BUD31: variants seen among roughly 807,000 people sequenced by gnomAD.
BUD31 encodes BUD31 spliceosome associated protein.
A neutral mutation model predicts 17.9 loss-of-function variants in BUD31; 9 were observed. The observed-to-expected ratio is 0.50, with a 90% CI of 0.30 to 0.88. The LOEUF (loss-of-function observed/expected upper bound fraction) is 0.88, where lower values mean the gene tolerates loss of function less well. Ranked by LOEUF, BUD31 falls within the 40% of genes least tolerant of loss-of-function variation. The probability of loss-of-function intolerance (pLI) is 0.06; values close to 1 mark genes in which losing one functional copy is unlikely to be tolerated. For synonymous variants in BUD31, 70 were observed against 64.7 expected (o/e 1.08, Z -0.39); for missense variants, 148 against 184.5 (o/e 0.80, Z 1.15).
At chr7:99,412,952 G>C (rs1795248359) in intron 3 of BUD31, among the ~76,000 whole-genome samples, 1 of 152,000 alleles carries the variant, frequency 6.6e-6, no homozygotes, top group Non-Finnish European at 1.5e-5. Context: ...AGAGATGGGG[G>C]TGTGTTAGTC....
Position 99,419,546 on chromosome 7 carries a change from CG to C in BUD31, c.*107del. ...AGTGCCCCAGGCCCGAGTTGGAGCA[CG>C]GTCTCTATGGGGAAGGCTTCGCTGT... On this transcript the variant is annotated 3_prime_UTR_variant, in exon 6 of 6. Transcript: ENST00000222969. The C allele has an allele frequency of 7.5e-7, 1 of 1,331,394 alleles. No individual in the cohort carries two copies. The highest frequency in any genetic ancestry group is 1.2e-5 in the South Asian group (1 of 84,740). The allele number at this position is 1,331,394 out of a possible 1,614,324, so 82.5% of individuals were successfully genotyped here.
intron 3 of BUD31, chr7:99,415,204 T>C: frequency 2.2e-6 from 1 of 454,060 alleles, no homozygotes. Flanking sequence ...CAGGCTGCAC[T>C]GATATTTATT....
intron 4 of BUD31, chr7:99,416,631 C>G (rs191184771): frequency 5.7e-4 from 98 of 171,116 alleles, no homozygotes; most frequent in African/African-American, 2.0e-3. Flanking sequence ...ATTGGTCAGG[C>G]TGATCTTGAA....
In BUD31 at chr7:99,416,316, A is replaced by G; in HGVS notation, c.217+56A>G. On this transcript the variant is annotated intron_variant, in intron 4 of 5. Coordinates refer to ENST00000222969, the MANE Select transcript of BUD31 (RefSeq NM_003910.4). ...GCTCGCGTCACTTTTGGAGTTACTG[A>G]ACTAACCACAATCCTTATTCTCGCA... 3.8e-6 allele frequency: 6 copies of G among 1,579,606 alleles called. No homozygotes were observed. In the Middle Eastern group the frequency reaches 8.5e-4, roughly 224 times the overall value.
At chr7:99,415,417 G>A (rs1437224885) in intron 3 of BUD31, among the ~76,000 whole-genome samples, 1 of 152,178 alleles carries the variant, frequency 6.6e-6, no homozygotes, top group Non-Finnish European at 1.5e-5. Context: ...CTAAAAGGCA[G>A]AGCCAGGTGT....
At chr7:99,411,426 AG>A (rs1237804556) in intron 3 of BUD31, among the ~76,000 whole-genome samples, 19 of 152,366 alleles carry the variant, frequency 1.2e-4, no homozygotes, top group African/African-American at 3.6e-4. Context: ...CGAATATAAA[AG>A]GTTATGAAAT....
At chr7:99,419,070 C>T (rs866873858) in intron 5 of BUD31, 13 of 362,124 alleles carry the variant, frequency 3.6e-5, no homozygotes, top group African/African-American at 1.5e-4. Flanking sequence ...GTCTGCTCAT[C>T]GCAGGGTCTG....
chr7:99,419,156 T>A, intron 5 of BUD31: 1 of 567,864 alleles, frequency 1.8e-6, no homozygotes. Context: ...TGTGTTGGAT[T>A]TGCAGAACAT....
Position 99,419,591 on chromosome 7 carries a change from A to G in BUD31, c.*150A>G. 2 of 929,324 alleles carry G rather than the reference A, an allele frequency of 2.2e-6. No homozygotes were observed. Among genetic ancestry groups the G allele is most frequent in the Non-Finnish European group, 3.2e-6 (2 of 617,504 alleles). The allele number at this position is 929,324 out of a possible 1,614,324, so 57.6% of individuals were successfully genotyped here. ...TCGCTGTCTATCAGCTGTGATTTGT[A>G]AAAATAAAATCTTTAAATCTCTCGA... On this transcript the variant is annotated 3_prime_UTR_variant, in exon 6 of 6. Coordinates refer to ENST00000222969, the MANE Select transcript of BUD31 (RefSeq NM_003910.4).
At chr7:99,413,391 C>T (rs1795264538) in intron 3 of BUD31, among the ~76,000 whole-genome samples, 1 of 152,154 alleles carries the variant, frequency 6.6e-6, no homozygotes, top group South Asian at 2.1e-4. Flanking sequence ...GGCTACTTCC[C>T]TCAGAACCTG....
At chr7:99,418,168 T>C (rs2003498) in intron 5 of BUD31, 37,280 of 215,704 alleles carry the variant, frequency 0.17, 7,714 homozygotes, top group African/African-American at 0.58. Context: ...GGTTTCTCAA[T>C]GTTGCTCAGG....
rs1482383811 is a variant in BUD31, at chr7:99,418,404, G to GC, written c.384+809_384+810insC. 1.3e-3 allele frequency: 206 copies of GC among 154,918 alleles called. 1 individual carries two copies. Among genetic ancestry groups the GC allele is most frequent in the African/African-American group, 4.8e-3 (198 of 41,596 alleles). The allele number at this position is 154,918 out of a possible 1,614,324, so 9.6% of individuals were successfully genotyped here. A position where few individuals can be genotyped will look rare whatever the true frequency, so the allele number is the denominator to read the frequency against. ...TGAAAGGCAGCTGTGGCCCGAGGCA[G>GC]AGTCACAGCAGTGGCCGCTCAGTGC... On this transcript the variant is annotated intron_variant, in intron 5 of 5. Transcript: ENST00000222969.
chr7:99,412,565 A>T (rs1795230356), intron 3 of BUD31, among the ~76,000 whole-genome samples: 1 of 151,584 alleles, frequency 6.6e-6, no homozygotes, highest in African/African-American at 2.4e-5. Flanking sequence ...GGCAGCTGGG[A>T]CTACAGGCAT....
intron 3 of BUD31, among the ~76,000 whole-genome samples, chr7:99,412,705 A>G (rs1323328366): frequency 1.3e-5 from 2 of 148,774 alleles, no homozygotes; most frequent in Admixed American, 6.7e-5. Context: ...TCCGCCTCCC[A>G]GGTCCACACC....
intron 2 of BUD31, among the ~76,000 whole-genome samples, chr7:99,410,581 C>T (rs567023948): frequency 6.6e-6 from 1 of 151,994 alleles, no homozygotes. Context: ...CATGGCTCCC[C>T]GAGTCACAGC....
At chr7:99,409,457 C>T (rs1460484914) in intron 1 of BUD31, among the ~76,000 whole-genome samples, 1 of 152,098 alleles carries the variant, frequency 6.6e-6, no homozygotes, top group Non-Finnish European at 1.5e-5. Flanking sequence ...TGGTTACCGC[C>T]TACCATTTTC....
chr7:99,413,617 CAG>C (rs1245259881), intron 3 of BUD31, among the ~76,000 whole-genome samples: 1 of 151,640 alleles, frequency 6.6e-6, no homozygotes, highest in Admixed American at 6.6e-5. Flanking sequence ...TTTTTTGAGA[CAG>C]GGTCATCTGT....
At position 99,409,083 on chromosome 7, in the gene BUD31, G is replaced by A. The variant is rs1390190330; in HGVS notation, c.-328G>A. 2.0e-5 allele frequency: 3 copies of A among 152,278 alleles called. No individual in the cohort carries two copies. The highest frequency in any genetic ancestry group is 6.5e-5 in the Admixed American group (1 of 15,278). The allele number at this position is 152,278 out of a possible 1,614,324, so 9.4% of individuals were successfully genotyped here. Reference sequence around the variant, plus strand: ...CCGGTGGTCTGCACCGTCCTGGAGGGAGATATGAGTGGCTGGACTCTCAGC... The same window carrying A: ...CCGGTGGTCTGCACCGTCCTGGAGGAAGATATGAGTGGCTGGACTCTCAGC... On this transcript the variant is annotated 5_prime_UTR_variant, in exon 1 of 6. Transcript: ENST00000222969.
intron 1 of BUD31, among the ~76,000 whole-genome samples, chr7:99,409,561 A>G (rs760828804): frequency 1.3e-5 from 2 of 151,966 alleles, no homozygotes; most frequent in African/African-American, 4.8e-5. Flanking sequence ...GTCACAGACT[A>G]TGCGCCTTGG....
Sources: allele counts gnomAD v4.1 joint callset (sites outside exome capture counted in the v4.1 genomes callset), GRCh38; gene constraint gnomAD v4.1.1; transcripts MANE v1.5; gene names NCBI Gene and HGNC (gene_info 2026-07-23, HGNC 2026-07-21).